The following CATSPERB variants were observed in gnomAD, a reference collection of about 807,000 sequenced individuals.
CATSPERB encodes the protein cation channel sperm-associated auxiliary subunit beta.
CATSPERB carries 93 observed loss-of-function variants against 128.3 expected under a neutral mutation model. The observed-to-expected ratio is 0.72, with a 90% confidence interval of 0.61 to 0.86. CATSPERB has a LOEUF of 0.86. Ranked by LOEUF, CATSPERB falls within the 40% of genes least tolerant of loss-of-function variation. The pLI is 0.00. For synonymous variants in CATSPERB, 381 were observed against 448.8 expected (o/e 0.85, Z 1.91); for missense variants, 1,153 against 1,329.5 (o/e 0.87, Z 2.06).
intron 6 of CATSPERB, among the ~76,000 whole-genome samples, chr14:91,707,859 G>A (rs535779091): frequency 1.3e-5 from 2 of 150,612 alleles, no homozygotes; most frequent in East Asian, 3.9e-4. Context: ...TGCCCACCTC[G>A]GCCTCCCAAA....
Position 91,603,387 on chromosome 14 carries a change from A to G in CATSPERB, c.2709+4907T>C, listed in dbSNP as rs879048441. ...ACCTTTGCTAAATCCAACAGCCTCA[A>G]TATTAAAGGTATAAGCAGCACGTCC... On this transcript the variant is annotated intron_variant, in intron 22 of 26. Transcript: ENST00000256343. 8.7e-6 allele frequency: 14 copies of G among 1,609,938 alleles called. No individual in the cohort carries two copies. The African/African-American group carries it at 1.3e-4, about 15-fold the overall frequency.
intron 12 of CATSPERB, among the ~76,000 whole-genome samples, chr14:91,673,807 T>A (rs551377339): frequency 6.6e-6 from 1 of 151,412 alleles, no homozygotes; most frequent in Admixed American, 6.6e-5. Context: ...TGCTTGAACC[T>A]GGGAGGCAGA....
At chr14:91,723,008 T>C (rs752650505) in intron 4 of CATSPERB, 41 bp downstream of exon 4, 1 of 1,391,508 alleles carries the variant, frequency 7.2e-7, no homozygotes, top group South Asian at 1.9e-5. Flanking sequence ...AGTATGCTTC[T>C]TGTTAATAAC....
intron 2 of CATSPERB, among the ~76,000 whole-genome samples, chr14:91,727,127 A>G (rs1009743135): frequency 6.6e-6 from 1 of 152,238 alleles, no homozygotes; most frequent in African/African-American, 2.4e-5. Flanking sequence ...TCAAATGCTC[A>G]GAGAACTGAT....
intron 5 of CATSPERB, among the ~76,000 whole-genome samples, chr14:91,715,838 G>A (rs1340225135): frequency 6.6e-6 from 1 of 152,106 alleles, no homozygotes; most frequent in Non-Finnish European, 1.5e-5. Context: ...CAATTCAATG[G>A]AGATAAAAAG....
chr14:91,619,670 C>T (rs1335710903), intron 19 of CATSPERB, among the ~76,000 whole-genome samples: 1 of 151,426 alleles, frequency 6.6e-6, no homozygotes, highest in Admixed American at 6.6e-5. Context: ...TCTCAAGTTC[C>T]TGGAGTCTAA....
intron 7 of CATSPERB, among the ~76,000 whole-genome samples, chr14:91,704,057 C>T (rs1895696058): frequency 6.6e-6 from 1 of 152,072 alleles, no homozygotes; most frequent in Admixed American, 6.5e-5. Context: ...CGGTCATCCA[C>T]AGAGAACTGG....
chr14:91,608,554 C>A (rs773124980), intron 21 of CATSPERB, 150 bp from the exon 22 acceptor site: 14 of 603,244 alleles, frequency 2.3e-5, no homozygotes, highest in Non-Finnish European at 3.5e-5. Flanking sequence ...ACTTTTCTAC[C>A]CCTCATTTTC....
intron 20 of CATSPERB, among the ~76,000 whole-genome samples, chr14:91,612,620 T>C (rs1893856766): frequency 6.6e-6 from 1 of 152,236 alleles, no homozygotes. Context: ...TATTTACAAT[T>C]CTGAAGTATT....
chr14:91,635,200 C>T (rs1489168600), intron 17 of CATSPERB, among the ~76,000 whole-genome samples: 1 of 152,064 alleles, frequency 6.6e-6, no homozygotes, highest in Non-Finnish European at 1.5e-5. Flanking sequence ...CCAAGGGCCC[C>T]ACCTCCTAAT....
rs115202024 is a variant in CATSPERB, at chr14:91,721,382, G to A, written c.309+1667C>T. ...CAGAGCTTTTACAAATCAAAAACAC[G>A]AATACCCAAACTAAAAATGGGCATA... is the stretch of plus-strand genomic sequence containing the variant. On this transcript the variant is annotated intron_variant, in intron 4 of 26. Coordinates refer to ENST00000256343, the MANE Select transcript of CATSPERB (RefSeq NM_024764.4). Among the ~76,000 whole-genome samples the A allele has an allele frequency of 5.2e-3, 791 of 152,052 alleles. 9 individuals are homozygous for A. Among genetic ancestry groups the A allele is most frequent in the African/African-American group, 0.018 (739 of 41,470 alleles).
chr14:91,622,994 A>T (rs1484220569), intron 18 of CATSPERB, among the ~76,000 whole-genome samples: 1 of 150,548 alleles, frequency 6.6e-6, no homozygotes, highest in Non-Finnish European at 1.5e-5. Flanking sequence ...TCCTGGGTTC[A>T]AACAATTCTC....
At chr14:91,705,888 G>A (rs1023129414) in intron 6 of CATSPERB, among the ~76,000 whole-genome samples, 4 of 152,140 alleles carry the variant, frequency 2.6e-5, no homozygotes, top group African/African-American at 9.7e-5. Context: ...TTTTGGATAT[G>A]CAAAGGATTG....
At chr14:91,646,776 T>A (rs756943615) in intron 15 of CATSPERB, among the ~76,000 whole-genome samples, 48 of 152,224 alleles carry the variant, frequency 3.2e-4, no homozygotes, top group East Asian at 1.9e-4. Flanking sequence ...AATACAATGA[T>A]GAATAGAGGC....
At chr14:91,727,144 C>T (rs1395667108) in intron 2 of CATSPERB, among the ~76,000 whole-genome samples, 7 of 152,120 alleles carry the variant, frequency 4.6e-5, no homozygotes, top group Admixed American at 4.6e-4. Flanking sequence ...TGATTTTTGG[C>T]TCAAGGGGAA....
chr14:91,688,778 G>A (rs1895417689), intron 10 of CATSPERB, among the ~76,000 whole-genome samples: 1 of 152,174 alleles, frequency 6.6e-6, no homozygotes, highest in Non-Finnish European at 1.5e-5. Flanking sequence ...TGCACTTGAA[G>A]CTCTTTATTG....
At chr14:91,696,725 T>C (rs1314526577) in intron 7 of CATSPERB, among the ~76,000 whole-genome samples, 2 of 152,108 alleles carry the variant, frequency 1.3e-5, no homozygotes, top group African/African-American at 4.8e-5. Context: ...TATGATGATG[T>C]TGGAGAGAAA....
chr14:91,720,187 A>G (rs1896006776), intron 4 of CATSPERB, among the ~76,000 whole-genome samples: 1 of 152,116 alleles, frequency 6.6e-6, no homozygotes. Context: ...AAAATAACAT[A>G]TTACATACAG....
intron 22 of CATSPERB, among the ~76,000 whole-genome samples, chr14:91,607,083 GC>G (rs1429497253): frequency 8.4e-5 from 4 of 47,412 alleles, no homozygotes; most frequent in Non-Finnish European, 1.3e-4. Context: ...GTGTGTGTGG[GC>G]GGGGGGGGGG....
Sources: allele counts gnomAD v4.1 joint callset (sites outside exome capture counted in the v4.1 genomes callset), GRCh38; gene constraint gnomAD v4.1.1; transcripts MANE v1.5; gene names NCBI Gene and HGNC (gene_info 2026-07-23, HGNC 2026-07-21).